Variants in DOCK3 observed in about 807,000 individuals in gnomAD.
DOCK3 encodes dedicator of cytokinesis 3.
In DOCK3, 60 loss-of-function variants were observed where a neutral mutation model predicts 265.6. That is an observed-to-expected ratio of 0.23 (90% CI 0.18 to 0.28). The LOEUF (loss-of-function observed/expected upper bound fraction) is 0.28, where lower values mean the gene tolerates loss of function less well. DOCK3 is among the 10% of genes least tolerant of loss of function. DOCK3 has a pLI of 1.00. For missense variants in DOCK3, 1,981 were observed against 2,594.3 expected (o/e 0.76, Z 5.14); for synonymous variants, 881 against 938.0 (o/e 0.94, Z 1.11).
At position 50,863,893 on chromosome 3, in the gene DOCK3, G is replaced by A. The variant is rs570026257; in HGVS notation, c.162+22178G>A. Reference sequence around the variant, plus strand: ...ACACTTAAGGTGATTTCACATCTTGGCTATTGCCAATAATGCTCCAATAAA... The same window carrying A: ...ACACTTAAGGTGATTTCACATCTTGACTATTGCCAATAATGCTCCAATAAA... On this transcript the variant is annotated intron_variant, in intron 3 of 52. Transcript: ENST00000266037. Among the ~76,000 whole-genome samples the A allele has an allele frequency of 3.7e-4, 57 of 152,142 alleles. 1 individual carries two copies. The highest frequency in any genetic ancestry group is 3.4e-3 in the Admixed American group (52 of 15,270).
intron 9 of DOCK3, among the ~76,000 whole-genome samples, chr3:51,104,431 G>A (rs1276563426): frequency 6.6e-6 from 1 of 152,190 alleles, no homozygotes; most frequent in Non-Finnish European, 1.5e-5. Flanking sequence ...TCTGACTTGG[G>A]TTTTAACCTG....
chr3:51,199,468 C>T lies in DOCK3; in HGVS notation c.1038-9306C>T, dbSNP rs539381886. Among the ~76,000 whole-genome samples, 394 of 152,298 alleles carry T rather than the reference C, an allele frequency of 2.6e-3. 1 individual carries two copies. Among genetic ancestry groups the T allele is most frequent in the Non-Finnish European group, 4.3e-3 (293 of 68,010 alleles). ...AGCAGTCTGAGATCAAACTGCAAGGCGGCAGCGAGGCTGGGGGAGGGGCGC... is the reference window on the plus strand; with the variant it reads ...AGCAGTCTGAGATCAAACTGCAAGGTGGCAGCGAGGCTGGGGGAGGGGCGC... On this transcript the variant is annotated intron_variant, in intron 12 of 52. Coordinates refer to ENST00000266037, the MANE Select transcript of DOCK3 (RefSeq NM_004947.5).
chr3:50,981,313 G>A (rs900280576), intron 5 of DOCK3, among the ~76,000 whole-genome samples: 3 of 152,090 alleles, frequency 2.0e-5, no homozygotes, highest in South Asian at 4.1e-4. Flanking sequence ...CAGTATATCC[G>A]ATAGCTTACT....
At chr3:50,859,210 GTTTTT>G (rs138539454) in intron 3 of DOCK3, among the ~76,000 whole-genome samples, 17 of 69,224 alleles carry the variant, frequency 2.5e-4, no homozygotes, top group Non-Finnish European at 3.5e-4. Context: ...AACTGGTATG[GTTTTT>G]TTTTTTTTTT....
At chr3:51,172,647 G>A (rs528391520) in intron 12 of DOCK3, among the ~76,000 whole-genome samples, 8 of 152,104 alleles carry the variant, frequency 5.3e-5, no homozygotes, top group African/African-American at 1.7e-4. Context: ...TTGCCATTTT[G>A]TTCACTGTTC....
At chr3:51,021,045 T>TA (rs2079565664) in intron 5 of DOCK3, among the ~76,000 whole-genome samples, 1 of 152,048 alleles carries the variant, frequency 6.6e-6, no homozygotes, top group Non-Finnish European at 1.5e-5. Context: ...ATTGAAACTA[T>TA]AAATGATTCT....
Position 51,384,018 on chromosome 3 carries a change from GA to G in DOCK3, c.*2462del, listed in dbSNP as rs1380887938. On this transcript the variant is annotated 3_prime_UTR_variant, in exon 53 of 53. Transcript: ENST00000266037. ...CTGTACCAGAAAAGCAAAGTTAAAG[GA>G]AACAAAATTTGTACCATTGTCCCAA... 2.0e-5 allele frequency: 3 copies of G among 152,588 alleles called. No individual in the cohort carries two copies. The highest frequency in any genetic ancestry group is 4.8e-5 in the African/African-American group (2 of 41,440). 9.5% of individuals were successfully genotyped at this position (152,588 alleles called of 1,614,324 possible).
chr3:51,265,222 CA>C (rs959231253), intron 23 of DOCK3, among the ~76,000 whole-genome samples: 4 of 152,106 alleles, frequency 2.6e-5, no homozygotes, highest in Admixed American at 6.5e-5. Context: ...AGCGTACAAC[CA>C]AAAAAATCCC....
chr3:51,232,754 C>T (rs1312330324), intron 19 of DOCK3, among the ~76,000 whole-genome samples: 1 of 152,118 alleles, frequency 6.6e-6, no homozygotes, highest in East Asian at 1.9e-4. Context: ...TGTTTGAGCT[C>T]CTTGTAGATT....
intron 24 of DOCK3, among the ~76,000 whole-genome samples, chr3:51,274,663 T>A (rs2080714111): frequency 6.6e-6 from 1 of 151,914 alleles, no homozygotes. Context: ...TGTGGTCCCA[T>A]ATGCATGGGA....
At chr3:51,026,234 CAT>C (rs2079810777) in intron 5 of DOCK3, among the ~76,000 whole-genome samples, 1 of 151,964 alleles carries the variant, frequency 6.6e-6, no homozygotes, top group African/African-American at 2.4e-5. Flanking sequence ...TTGAGATGGT[CAT>C]ATGTTTTTTT....
At chr3:51,380,231 C>T (rs781884097) in intron 52 of DOCK3, 24 bp downstream of exon 52, 7 of 1,603,930 alleles carry the variant, frequency 4.4e-6, no homozygotes, top group Non-Finnish European at 6.0e-6. Context: ...GCGGCAGCCC[C>T]ACCAGGCTGT....
intron 1 of DOCK3, among the ~76,000 whole-genome samples, chr3:50,700,490 AT>A (rs374869744): frequency 1.2e-4 from 18 of 151,350 alleles, no homozygotes; most frequent in African/African-American, 2.9e-4. Context: ...CATGAGATCC[AT>A]TTTTTTTTAA....
At chr3:51,375,981 GCTCA>G (rs1027332456) in intron 51 of DOCK3, 146 bp downstream of exon 51, 120 of 817,722 alleles carry the variant, frequency 1.5e-4, no homozygotes, top group Non-Finnish European at 2.1e-4. Flanking sequence ...CAGTTCTTGT[GCTCA>G]CTATTTAACC....
At chr3:50,804,604 C>T (rs569754641) in intron 2 of DOCK3, among the ~76,000 whole-genome samples, 3 of 152,250 alleles carry the variant, frequency 2.0e-5, no homozygotes, top group African/African-American at 4.8e-5. Flanking sequence ...TCAGGCGTGG[C>T]GGCTGGCGCC....
At chr3:50,738,963 A>C (rs1334911810) in intron 1 of DOCK3, among the ~76,000 whole-genome samples, 2 of 152,180 alleles carry the variant, frequency 1.3e-5, no homozygotes, top group Non-Finnish European at 2.9e-5. Context: ...TAATTTTGCT[A>C]CTGCATAATA....
intron 1 of DOCK3, among the ~76,000 whole-genome samples, chr3:50,683,832 C>T: frequency 6.6e-5 from 1 of 15,198 alleles, no homozygotes; most frequent in Non-Finnish European, 4.1e-4. Flanking sequence ...CCTCCCCGCT[C>T]TCCTCCCCCC....
intron 2 of DOCK3, among the ~76,000 whole-genome samples, chr3:50,809,362 T>C (rs2043607085): frequency 6.6e-6 from 1 of 152,144 alleles, no homozygotes; most frequent in African/African-American, 2.4e-5. Context: ...ACGTTTAAAC[T>C]GTAGTGAGCT....
At chr3:50,916,322 C>A (rs1300407983) in intron 4 of DOCK3, among the ~76,000 whole-genome samples, 1 of 151,978 alleles carries the variant, frequency 6.6e-6, no homozygotes, top group African/African-American at 2.4e-5. Context: ...GGCACAATCT[C>A]ACTCTGTTAC....
Sources: allele counts gnomAD v4.1 joint callset (sites outside exome capture counted in the v4.1 genomes callset), GRCh38; gene constraint gnomAD v4.1.1; transcripts MANE v1.5; gene names NCBI Gene and HGNC (gene_info 2026-07-23, HGNC 2026-07-21).